The following IPO11 variants were observed in gnomAD, a reference collection of about 807,000 sequenced individuals.
IPO11 encodes importin 11.
Under a neutral mutation model 143.2 loss-of-function variants are expected in IPO11, and 66 were observed. That is an observed-to-expected ratio of 0.46 (90% CI 0.38 to 0.57). The LOEUF is 0.57. Among genes scored for constraint, IPO11 ranks in the 20% least tolerant of loss-of-function variants. The probability of loss-of-function intolerance (pLI) is 0.00; values close to 1 mark genes in which losing one functional copy is unlikely to be tolerated. For missense variants in IPO11, 1,026 were observed against 1,141.0 expected, an observed-to-expected ratio of 0.90 and a Z score of 1.45; for synonymous variants, 385 against 377.8, an observed-to-expected ratio of 1.02 and a Z score of -0.22.
chr5:62,561,313 A>G lies in IPO11; in HGVS notation c.2582+56A>G, dbSNP rs984106015. ...TTTCAAGCATCAAAATGTAAACACT[A>G]TTTTTGGCCATCAGTATTGCTGTGT... On this transcript the variant is annotated intron_variant, in intron 27 of 29. Transcript: ENST00000325324. The G allele has an allele frequency of 1.1e-5, 6 of 526,638 alleles. 1 individual carries two copies. Among genetic ancestry groups the G allele is most frequent in the Non-Finnish European group, 1.7e-5 (6 of 361,244 alleles). 32.6% of individuals were successfully genotyped at this position (526,638 alleles called of 1,614,324 possible).
intron 20 of IPO11, among the ~76,000 whole-genome samples, chr5:62,518,424 A>G (rs1416377449): frequency 6.6e-6 from 1 of 151,526 alleles, no homozygotes; most frequent in Admixed American, 6.6e-5. Flanking sequence ...AGCCTGGGTG[A>G]CATAGCGAGA....
chr5:62,471,137 T>C lies in IPO11; in HGVS notation c.708+829T>C, dbSNP rs1397108783. On this transcript the variant is annotated intron_variant, in intron 7 of 29. Coordinates refer to ENST00000325324, the MANE Select transcript of IPO11 (RefSeq NM_016338.5). ...CCGTGCTTGGCCTAGTTGCATTTCT[T>C]TTTTTTTTTTTTAAAATAAATGAAA... 1.0e-4 allele frequency among the ~76,000 whole-genome samples: 15 copies of C among 148,650 alleles called. No individual in the cohort carries two copies. The East Asian group carries it at 2.7e-3, about 27-fold the overall frequency.
chr5:62,575,013 G>A (rs181668096), intron 27 of IPO11, among the ~76,000 whole-genome samples: 65 of 152,252 alleles, frequency 4.3e-4, no homozygotes, highest in South Asian at 2.9e-3. Flanking sequence ...TGATTTTCTT[G>A]TTGACAATTG....
Position 62,419,083 on chromosome 5 carries a change from C to T in IPO11, c.-7+6154C>T, listed in dbSNP as rs1374206912. ...ATTGTATCTAGGCTATAAGCCTGTA[C>T]AGCATGTTACTGCACTGAATACTGT... On this transcript the variant is annotated intron_variant, in intron 1 of 29. Transcript: ENST00000325324. The T allele has an allele frequency of 3.9e-6, 6 of 1,550,864 alleles. No homozygotes were observed. In the African/African-American group the frequency reaches 4.1e-5, roughly 11 times the overall value.
In IPO11 at chr5:62,435,154, A is replaced by ATATATGTATATATATG. The variant is rs1561308977; in HGVS notation, c.-6-2115_-6-2114insGTATATATATGTATAT. Among the ~76,000 whole-genome samples, 17 of 62,704 alleles carry ATATATGTATATATATG rather than the reference A, an allele frequency of 2.7e-4. 1 individual carries two copies. Among genetic ancestry groups the ATATATGTATATATATG allele is most frequent in the Middle Eastern group, 7.4e-3 (1 of 136 alleles). The allele number at this position is 62,704 out of a possible 152,430, so 41.1% of individuals were successfully genotyped here. On this transcript the variant is annotated intron_variant, in intron 1 of 29. Transcript: ENST00000325324. ...TATATATGTATATATGTATATATGT[A>ATATATGTATATATATG]TATATATGTATATATATGTATATAT...
At chr5:62,491,715 T>C (rs1460997429) in intron 15 of IPO11, among the ~76,000 whole-genome samples, 2 of 150,656 alleles carry the variant, frequency 1.3e-5, no homozygotes, top group Non-Finnish European at 3.0e-5. Flanking sequence ...GCCCAGGCTG[T>C]AGTGCAGTGG....
intron 1 of IPO11, among the ~76,000 whole-genome samples, chr5:62,414,296 C>A (rs1743216495): frequency 6.6e-6 from 1 of 152,030 alleles, no homozygotes; most frequent in Non-Finnish European, 1.5e-5. Context: ...AAGATTTTTC[C>A]AGAAACAAAA....
chr5:62,537,227 T>C lies in IPO11; in HGVS notation c.2188T>C (p.Cys730Arg), dbSNP rs779177559. The C allele has an allele frequency of 1.2e-6, 2 of 1,605,456 alleles. No homozygotes were observed. Among genetic ancestry groups the C allele is most frequent in the South Asian group, 2.2e-5 (2 of 90,430 alleles). Residue 730 changes from cysteine to arginine, a missense_variant, in exon 24 of 30, where the codon TGC (cysteine) becomes CGC (arginine). Cys to Arg is a radical substitution (Grantham distance 180). Around this residue, in one of 5 missense-constraint regions of IPO11, gnomAD observed 351 missense variants for 358.9 expected, o/e 0.98. Transcript: ENST00000325324. ...ATTTCAGACATACGCAGTAGGTCTATGCCAGTCCTTTTGTGAACTTTTAAA... is the reference window on the plus strand; with the variant it reads ...ATTTCAGACATACGCAGTAGGTCTACGCCAGTCCTTTTGTGAACTTTTAAA... ...EFLQTYAVGL[C>R]QSFCELLKEI...
chr5:62,602,681 A>T (rs1449333963), intron 29 of IPO11, among the ~76,000 whole-genome samples: 1 of 152,218 alleles, frequency 6.6e-6, no homozygotes, highest in African/African-American at 2.4e-5. Flanking sequence ...CCTAATCCTT[A>T]GCTTATAGCT....
At chr5:62,456,339 T>C (rs1745154411) in intron 5 of IPO11, among the ~76,000 whole-genome samples, 1 of 152,180 alleles carries the variant, frequency 6.6e-6, no homozygotes, top group Non-Finnish European at 1.5e-5. Context: ...TGCCTTTACA[T>C]ATAAACCTAA....
At chr5:62,495,975 C>G (rs1419881436) in intron 16 of IPO11, among the ~76,000 whole-genome samples, 1 of 152,030 alleles carries the variant, frequency 6.6e-6, no homozygotes, top group Non-Finnish European at 1.5e-5. Context: ...CTTAGTTAGG[C>G]AACTGGTCAG....
At chr5:62,531,599 A>G (rs189017647) in intron 22 of IPO11, among the ~76,000 whole-genome samples, 17 of 152,252 alleles carry the variant, frequency 1.1e-4, no homozygotes, top group Non-Finnish European at 2.2e-4. Context: ...AAGCGCTGGG[A>G]TTATTAGAGG....
intron 10 of IPO11, 119 bp from the exon 11 acceptor site, chr5:62,483,891 A>G: frequency 1.2e-6 from 1 of 820,948 alleles, no homozygotes; most frequent in Non-Finnish European, 1.9e-6. Context: ...AAAAATGAAA[A>G]TTTATACACA....
At chr5:62,474,552 G>A (rs1158302898) in intron 8 of IPO11, 88 bp downstream of exon 8, 1 of 886,020 alleles carries the variant, frequency 1.1e-6, no homozygotes, top group African/African-American at 1.7e-5. Flanking sequence ...ATTAATGAGG[G>A]ATTAATAGAT....
chr5:62,522,491 G>T (rs1742236128), intron 20 of IPO11, among the ~76,000 whole-genome samples: 1 of 152,106 alleles, frequency 6.6e-6, no homozygotes, highest in Non-Finnish European at 1.5e-5. Flanking sequence ...CATCATGTTG[G>T]CCGGGCTAGT....
intron 13 of IPO11, among the ~76,000 whole-genome samples, chr5:62,488,225 G>A (rs1746479901): frequency 6.6e-6 from 1 of 152,186 alleles, no homozygotes; most frequent in Admixed American, 6.5e-5. Context: ...ATTGATTATG[G>A]ATTTGAGAGA....
chr5:62,547,708 A>C (rs1336864362), intron 24 of IPO11, among the ~76,000 whole-genome samples: 1 of 152,076 alleles, frequency 6.6e-6, no homozygotes, highest in Non-Finnish European at 1.5e-5. Context: ...TAATCCTTAC[A>C]TTAATTCTAA....
rs569715711 is a variant in IPO11 at position 62,444,133 on chromosome 5, T to C, written c.239+1050T>C. On this transcript the variant is annotated intron_variant, in intron 3 of 29. Transcript: ENST00000325324. ...TTTTTTGAGACGGAGTCTCGCTCTG[T>C]TGCCCAGGCTGGAGTGCAATGGCAT... 3.3e-5 allele frequency among the ~76,000 whole-genome samples: 5 copies of C among 151,656 alleles called. No individual in the cohort carries two copies. In the South Asian group the frequency reaches 8.3e-4, roughly 25 times the overall value.
chr5:62,499,150 C>T (rs1283135749), intron 16 of IPO11, among the ~76,000 whole-genome samples: 1 of 152,064 alleles, frequency 6.6e-6, no homozygotes, highest in Non-Finnish European at 1.5e-5. Context: ...CCGAGAAATG[C>T]GTCCTTAGGC....
Sources: allele counts gnomAD v4.1 joint callset (sites outside exome capture counted in the v4.1 genomes callset), GRCh38; gene constraint gnomAD v4.1.1; regional missense constraint gnomAD v4.1.1; transcripts MANE v1.5; gene names NCBI Gene and HGNC (gene_info 2026-07-23, HGNC 2026-07-21).